Variants in DCAF8L2 observed in about 807,000 individuals in gnomAD.
DCAF8L2 encodes the protein DDB1- and CUL4-associated factor 8-like protein 2.
For synonymous variants in DCAF8L2, 200 were observed against 190.9 expected (o/e 1.05, Z -0.39); for missense variants, 430 against 490.7 (o/e 0.88, Z 1.17).
the DCAF8L2 span, among the ~76,000 whole-genome samples, chrX:27,562,501 G>C: frequency 2.7e-5 from 3 of 112,224 alleles, no homozygotes; most frequent in East Asian, 8.4e-4. Flanking sequence ...GGTACCAACG[G>C]TTGCTGATTG....
chrX:27,514,405 C>T, the DCAF8L2 span, among the ~76,000 whole-genome samples: 3 of 109,723 alleles, frequency 2.7e-5, no homozygotes, highest in Admixed American at 9.7e-5. Context: ...CGCGGTGGCT[C>T]ACGCCTGTAA....
Position 27,744,031 on chromosome X carries a change from C to T in DCAF8L2, c.-58-2807C>T, listed in dbSNP as rs144534300. On this transcript the variant is annotated intron_variant, in intron 4 of 4. Transcript: ENST00000451261. ...TATAGACGTGAGCCACCAGGCCTGG[C>T]CTGTTTACAAATATTAATGTCAGGA... Among the ~76,000 whole-genome samples the T allele has an allele frequency of 9.5e-3, 1,060 of 111,448 alleles. 14 individuals are homozygous for T. Among genetic ancestry groups the T allele is most frequent in the African/African-American group, 0.032 (989 of 30,604 alleles).
the DCAF8L2 span, among the ~76,000 whole-genome samples, chrX:27,502,317 TAAAAAAAA>T: frequency 2.9e-4 from 4 of 13,992 alleles, no homozygotes; most frequent in African/African-American, 1.1e-3. Flanking sequence ...TGAAACTCTG[TAAAAAAAA>T]AAAAAAAAAA....
the DCAF8L2 span, among the ~76,000 whole-genome samples, chrX:27,544,839 C>G: frequency 9.0e-6 from 1 of 111,601 alleles, no homozygotes; most frequent in Admixed American, 9.5e-5. Context: ...ACTATTTTCT[C>G]AGGACCAGGA....
intron 2 of DCAF8L2, among the ~76,000 whole-genome samples, chrX:27,673,198 T>C (rs1266639769): frequency 9.0e-6 from 1 of 110,828 alleles, no homozygotes; most frequent in Non-Finnish European, 1.9e-5. Flanking sequence ...AATCCAAATA[T>C]CAACCCGAAT....
chrX:27,614,269 G>C (rs1436904931), intron 1 of DCAF8L2, among the ~76,000 whole-genome samples: 1 of 110,198 alleles, frequency 9.1e-6, no homozygotes, highest in Non-Finnish European at 1.9e-5. Context: ...TCTGATGGTA[G>C]TTTGTATTTC....
intron 3 of DCAF8L2, among the ~76,000 whole-genome samples, chrX:27,699,317 ATGT>A (rs1309576064): frequency 8.9e-6 from 1 of 112,001 alleles, no homozygotes; most frequent in African/African-American, 3.2e-5. Flanking sequence ...TTAGACAGAA[ATGT>A]TGTTGTCTCA....
At chrX:27,565,017 C>A in the DCAF8L2 span, among the ~76,000 whole-genome samples, 1 of 108,919 alleles carries the variant, frequency 9.2e-6, no homozygotes, top group Non-Finnish European at 1.9e-5. Flanking sequence ...TTTAACAATA[C>A]AATTAATGTG....
the DCAF8L2 span, among the ~76,000 whole-genome samples, chrX:27,526,552 G>A: frequency 8.9e-6 from 1 of 112,728 alleles, no homozygotes; most frequent in African/African-American, 3.2e-5. Flanking sequence ...ATCCAGCTTT[G>A]TTCCATTGCT....
chrX:27,748,677 G>C lies in DCAF8L2; in HGVS notation c.1782G>C (p.Gln594His). 8.4e-7 allele frequency: 1 copy of C among 1,195,411 alleles called. No individual in the cohort carries two copies. The highest frequency in any genetic ancestry group is 1.1e-6 in the Non-Finnish European group (1 of 886,102). Reference sequence around the variant, plus strand: ...ACGTGACGCAGAGAGGTCGTCACCAGGACTGGAGAAGTGGTGAAGCTGAAT... The same window carrying C: ...ACGTGACGCAGAGAGGTCGTCACCACGACTGGAGAAGTGGTGAAGCTGAAT... The part of the protein sequence containing the change: ...LRHVTQRGRH[Q>H]DWRSGEAEFP... The change falls in exon 5 of 5, where the codon CAG (glutamine) becomes CAC (histidine). Residue 594 changes from glutamine (Q) to histidine (H), a missense_variant. Physicochemically the swap from Gln to His is conservative, Grantham distance 24. Transcript: ENST00000451261.
chrX:27,674,976 T>C (rs1354447902), intron 2 of DCAF8L2, among the ~76,000 whole-genome samples: 2 of 111,751 alleles, frequency 1.8e-5, no homozygotes, highest in African/African-American at 3.3e-5. Context: ...CACTCACTCA[T>C]AGGTACTGAA....
intron 3 of DCAF8L2, among the ~76,000 whole-genome samples, chrX:27,715,137 AATCCCAGCACTTTGGG>A (rs1931652602): frequency 9.0e-6 from 1 of 110,716 alleles, no homozygotes; most frequent in Admixed American, 9.6e-5. Context: ...TCATGCCTGT[AATCCCAGCACTTTGGG>A]AGGCCAAGGT....
intron 2 of DCAF8L2, among the ~76,000 whole-genome samples, chrX:27,657,935 T>C (rs1235580272): frequency 8.9e-6 from 1 of 112,447 alleles, no homozygotes; most frequent in Non-Finnish European, 1.9e-5. Context: ...GCTGTAATAA[T>C]GACAGAGAAC....
the DCAF8L2 span, among the ~76,000 whole-genome samples, chrX:27,501,041 T>C: frequency 1.3e-4 from 14 of 111,436 alleles, no homozygotes; most frequent in Non-Finnish European, 2.4e-4. Context: ...CTCTGAAAGT[T>C]GGTTATGAGG....
the DCAF8L2 span, among the ~76,000 whole-genome samples, chrX:27,505,959 A>C: frequency 1.8e-5 from 2 of 112,069 alleles, no homozygotes; most frequent in African/African-American, 3.2e-5. Flanking sequence ...TATTTAAACC[A>C]CTGTGCTCTG....
chrX:27,481,104 G>A, the DCAF8L2 span, among the ~76,000 whole-genome samples: 1 of 111,366 alleles, frequency 9.0e-6, no homozygotes, highest in East Asian at 2.8e-4. Flanking sequence ...TTGGCCGGGT[G>A]CAGTGGCTCA....
rs1922338438 is a variant in DCAF8L2 at position 27,747,871 on chromosome X, C to A, written c.976C>A (p.Leu326Met). The A allele has an allele frequency of 1.7e-6, 2 of 1,210,287 alleles. No homozygotes were observed. Among genetic ancestry groups the A allele is most frequent in the Non-Finnish European group, 2.2e-6 (2 of 894,520 alleles). Residue 326 changes from leucine (L) to methionine (M), a missense_variant, in exon 5 of 5, where the codon CTG becomes ATG. Leu to Met is a conservative substitution (Grantham distance 15). Coordinates refer to ENST00000451261, the MANE Select transcript of DCAF8L2 (RefSeq NM_001353450.2). ...QHRGPAHKLA[L>M]EPDSPYKFLT... ...CAGGGGACCTGCCCACAAGTTGGCT[C>A]TGGAGCCTGACTCTCCTTATAAGTT...
intron 3 of DCAF8L2, among the ~76,000 whole-genome samples, chrX:27,705,182 A>G (rs1931301571): frequency 1.8e-5 from 2 of 111,265 alleles, no homozygotes; most frequent in Non-Finnish European, 3.8e-5. Context: ...ATATATACCA[A>G]TTCTCTTTAT....
intron 2 of DCAF8L2, among the ~76,000 whole-genome samples, chrX:27,642,023 G>C (rs775836523): frequency 1.9e-3 from 202 of 109,111 alleles, no homozygotes; most frequent in Non-Finnish European, 3.1e-3. Context: ...AGAGTAGCTG[G>C]GACTACAGGT....
Sources: allele counts gnomAD v4.1 joint callset (sites outside exome capture counted in the v4.1 genomes callset), GRCh38; gene constraint gnomAD v4.1.1; transcripts MANE v1.5; gene names NCBI Gene and HGNC (gene_info 2026-07-23, HGNC 2026-07-21).